SGCZ: variants seen among roughly 807,000 people sequenced by gnomAD.
SGCZ encodes the protein sarcoglycan zeta.
A neutral mutation model predicts 41.3 loss-of-function variants in SGCZ; 40 were observed. That is an observed-to-expected ratio of 0.97 (90% CI 0.75 to 1.26). The LOEUF is 1.26. SGCZ is among the 50% of genes most tolerant of loss of function. The probability of loss-of-function intolerance (pLI) is 0.00; values close to 1 mark genes in which losing one functional copy is unlikely to be tolerated. For missense variants in SGCZ, 552 were observed against 369.8 expected (o/e 1.49, Z -4.04); for synonymous variants, 206 against 137.5 (o/e 1.50, Z -3.49).
chr8:14,492,626 CTT>C (rs1801873734), intron 2 of SGCZ, among the ~76,000 whole-genome samples: 1 of 152,166 alleles, frequency 6.6e-6, no homozygotes, highest in Non-Finnish European at 1.5e-5. Flanking sequence ...TTCTCACTAA[CTT>C]TTCTTGAGTC....
intron 1 of SGCZ, among the ~76,000 whole-genome samples, chr8:15,108,259 T>C (rs1004490586): frequency 1.3e-5 from 2 of 152,204 alleles, no homozygotes; most frequent in East Asian, 1.9e-4. Flanking sequence ...TTTAAACATA[T>C]GGTTCTCAGT....
At chr8:14,961,376 T>C (rs1800961963) in intron 1 of SGCZ, among the ~76,000 whole-genome samples, 1 of 152,082 alleles carries the variant, frequency 6.6e-6, no homozygotes, top group Non-Finnish European at 1.5e-5. Flanking sequence ...AGTTACAGGC[T>C]GGCTACAGAG....
intron 2 of SGCZ, among the ~76,000 whole-genome samples, chr8:14,512,699 A>C (rs1467312995): frequency 6.6e-6 from 1 of 151,592 alleles, no homozygotes; most frequent in Admixed American, 6.6e-5. Context: ...CCCTGGTCTC[A>C]AGTAATCCTC....
At chr8:14,990,326 A>G (rs1469908633) in intron 1 of SGCZ, among the ~76,000 whole-genome samples, 3 of 152,158 alleles carry the variant, frequency 2.0e-5, no homozygotes, top group Non-Finnish European at 4.4e-5. Flanking sequence ...CAGGGTCCCT[A>G]ATCCCCAGGT....
chr8:14,098,008 C>T (rs1801896957), intron 7 of SGCZ, among the ~76,000 whole-genome samples: 1 of 152,120 alleles, frequency 6.6e-6, no homozygotes, highest in Non-Finnish European at 1.5e-5. Flanking sequence ...ATCTTCACAC[C>T]TTACTTTCCC....
At chr8:14,863,909 T>G (rs1803839328) in intron 1 of SGCZ, among the ~76,000 whole-genome samples, 1 of 152,114 alleles carries the variant, frequency 6.6e-6, no homozygotes, top group African/African-American at 2.4e-5. Flanking sequence ...ATTTAATGTG[T>G]CTTGCATGGA....
intron 2 of SGCZ, among the ~76,000 whole-genome samples, chr8:14,447,479 T>A (rs1020755582): frequency 2.0e-5 from 3 of 152,166 alleles, no homozygotes; most frequent in Non-Finnish European, 4.4e-5. Flanking sequence ...AAATCACTAA[T>A]AATGAAATGA....
intron 1 of SGCZ, among the ~76,000 whole-genome samples, chr8:14,830,150 GT>G (rs1211778456): frequency 6.6e-6 from 1 of 152,002 alleles, no homozygotes; most frequent in Non-Finnish European, 1.5e-5. Flanking sequence ...AATTTCAGTT[GT>G]AAAAATTGAA....
chr8:14,135,326 C>G (rs1803163109), intron 5 of SGCZ, among the ~76,000 whole-genome samples: 1 of 152,124 alleles, frequency 6.6e-6, no homozygotes, highest in South Asian at 2.1e-4. Flanking sequence ...TTATAATTAT[C>G]TTCTTTCTTT....
chr8:14,226,266 A>G (rs1441337966), intron 4 of SGCZ, among the ~76,000 whole-genome samples: 1 of 152,122 alleles, frequency 6.6e-6, no homozygotes, highest in Non-Finnish European at 1.5e-5. Context: ...CTATAGAGTC[A>G]ATTTTCGGTG....
At chr8:14,938,373 C>A (rs1734093287) in intron 1 of SGCZ, among the ~76,000 whole-genome samples, 2 of 152,008 alleles carry the variant, frequency 1.3e-5, no homozygotes, top group African/African-American at 4.8e-5. Flanking sequence ...AAGACCAATC[C>A]CTCCTCTTCC....
At chr8:14,550,336 T>G (rs1377423646) in intron 2 of SGCZ, among the ~76,000 whole-genome samples, 2 of 149,582 alleles carry the variant, frequency 1.3e-5, no homozygotes, top group Admixed American at 1.3e-4. Flanking sequence ...ATGCATTTAT[T>G]TTATATAAAT....
chr8:15,047,264 AC>A (rs1804342344), intron 1 of SGCZ, among the ~76,000 whole-genome samples: 1 of 152,048 alleles, frequency 6.6e-6, no homozygotes, highest in African/African-American at 2.4e-5. Context: ...ATAAAGTTTG[AC>A]AAAAGGATAT....
rs529023771 is a variant in SGCZ at position 15,195,493 on chromosome 8, T to A, written c.39+42092A>T. On this transcript the variant is annotated intron_variant, in intron 1 of 7. Coordinates refer to ENST00000382080, the MANE Select transcript of SGCZ (RefSeq NM_139167.4). ...CTCTCAGCTCTCTCTAACCTGAGCA[T>A]CCTTTTGTCTCCTGCAAGTTTGTTT... Among the ~76,000 whole-genome samples, 4 of 152,298 alleles carry A rather than the reference T, an allele frequency of 2.6e-5. No homozygotes were observed. The East Asian group carries it at 7.7e-4, about 29-fold the overall frequency.
chr8:14,292,331 A>T (rs976884196), intron 3 of SGCZ, among the ~76,000 whole-genome samples: 4 of 152,040 alleles, frequency 2.6e-5, no homozygotes, highest in Non-Finnish European at 5.9e-5. Context: ...GTTGGTGAAA[A>T]CAGCCTAGGA....
At chr8:14,679,674 T>A (rs972268315) in intron 1 of SGCZ, among the ~76,000 whole-genome samples, 1 of 151,934 alleles carries the variant, frequency 6.6e-6, no homozygotes, top group Non-Finnish European at 1.5e-5. Context: ...TAATTTATTA[T>A]TGAAGAAAAA....
intron 1 of SGCZ, among the ~76,000 whole-genome samples, chr8:15,136,360 G>A (rs1349999542): frequency 6.6e-6 from 1 of 151,984 alleles, no homozygotes; most frequent in African/African-American, 2.4e-5. Flanking sequence ...CAGGTGCCCT[G>A]ATCTGAATAG....
intron 1 of SGCZ, among the ~76,000 whole-genome samples, chr8:14,769,851 G>C (rs1380282172): frequency 3.6e-5 from 4 of 110,952 alleles, no homozygotes; most frequent in East Asian, 2.9e-4. Context: ...TCCACTTCTT[G>C]CTGGAAAAAA....
At chr8:15,201,767 G>GTAACA (rs1800898265) in intron 1 of SGCZ, among the ~76,000 whole-genome samples, 1 of 152,094 alleles carries the variant, frequency 6.6e-6, no homozygotes, top group Non-Finnish European at 1.5e-5. Flanking sequence ...TGGCTTTTTG[G>GTAACA]TAACATACTT....
Sources: gnomAD v4.1 joint callset for allele counts (sites outside exome capture counted in the v4.1 genomes callset) on GRCh38, gnomAD v4.1.1 for gene constraint, MANE v1.5 for transcripts, NCBI Gene and HGNC (gene_info 2026-07-23, HGNC 2026-07-21) for gene names.